The following MAGI2 variants were observed in gnomAD, a reference collection of about 807,000 sequenced individuals.
The protein encoded by MAGI2 is membrane associated guanylate kinase, WW and PDZ domain containing 2, also known as membrane-associated guanylate kinase, WW and PDZ domain-containing protein 2.
A neutral mutation model predicts 133.3 loss-of-function variants in MAGI2; 35 were observed. The observed-to-expected ratio is 0.26, with a 90% CI of 0.20 to 0.35. The LOEUF (loss-of-function observed/expected upper bound fraction) is 0.35, where lower values mean the gene tolerates loss of function less well. Ranked by LOEUF, MAGI2 falls within the 10% of genes least tolerant of loss-of-function variation. The probability of loss-of-function intolerance (pLI) is 1.00; values close to 1 mark genes in which losing one functional copy is unlikely to be tolerated. For synonymous variants in MAGI2, 729 were observed against 710.6 expected, an observed-to-expected ratio of 1.03 and a Z score of -0.41; for missense variants, 1,636 against 1,863.4, an observed-to-expected ratio of 0.88 and a Z score of 2.25.
At chr7:79,157,631 A>G (rs573106332) in intron 1 of MAGI2, among the ~76,000 whole-genome samples, 18 of 151,942 alleles carry the variant, frequency 1.2e-4, no homozygotes, top group Non-Finnish European at 1.2e-4. Context: ...CCCCCTTTCA[A>G]GCATTCTGTA....
At chr7:78,394,709 A>AT (rs1423920718) in intron 6 of MAGI2, among the ~76,000 whole-genome samples, 4 of 151,914 alleles carry the variant, frequency 2.6e-5, no homozygotes, top group East Asian at 1.9e-4. Context: ...TAATTTTCTC[A>AT]TTTTTTTTCA....
intron 2 of MAGI2, among the ~76,000 whole-genome samples, chr7:78,667,567 A>T (rs1278833337): frequency 2.9e-5 from 4 of 137,630 alleles, no homozygotes; most frequent in African/African-American, 8.2e-5. Flanking sequence ...CAGTCCCCAG[A>T]GTGTGATGTT....
intron 3 of MAGI2, among the ~76,000 whole-genome samples, chr7:78,547,699 C>T (rs762375280): frequency 8.5e-5 from 13 of 152,216 alleles, no homozygotes; most frequent in African/African-American, 1.4e-4. Flanking sequence ...AACATGCCAA[C>T]TCACATAATG....
At chr7:79,223,292 C>T (rs1830602640) in intron 1 of MAGI2, among the ~76,000 whole-genome samples, 1 of 152,096 alleles carries the variant, frequency 6.6e-6, no homozygotes. Flanking sequence ...AAGTCCATTA[C>T]CAATCTTTAG....
intron 2 of MAGI2, among the ~76,000 whole-genome samples, chr7:78,736,667 T>C (rs1821878950): frequency 6.6e-6 from 1 of 152,130 alleles, no homozygotes; most frequent in African/African-American, 2.4e-5. Context: ...TGTTGATATT[T>C]GCATGCTGGT....
At chr7:78,680,319 G>A (rs567029548) in intron 2 of MAGI2, among the ~76,000 whole-genome samples, 1 of 152,116 alleles carries the variant, frequency 6.6e-6, no homozygotes, top group Non-Finnish European at 1.5e-5. Context: ...TTGAAATGGA[G>A]TATAATGAGT....
chr7:79,248,584 A>C (rs1308125243), intron 1 of MAGI2, among the ~76,000 whole-genome samples: 1 of 152,164 alleles, frequency 6.6e-6, no homozygotes. Context: ...TCCTTAGTAC[A>C]TGGATCATTC....
chr7:78,409,605 C>T (rs1339136838), intron 6 of MAGI2, among the ~76,000 whole-genome samples: 1 of 152,056 alleles, frequency 6.6e-6, no homozygotes, highest in Non-Finnish European at 1.5e-5. Flanking sequence ...TTGCTCCCAT[C>T]CTTTGGTACA....
At chr7:79,296,117 T>C (rs1333761743) in intron 1 of MAGI2, among the ~76,000 whole-genome samples, 2 of 152,184 alleles carry the variant, frequency 1.3e-5, no homozygotes, top group Non-Finnish European at 2.9e-5. Flanking sequence ...CACAAGAGCA[T>C]TGATATTGTG....
At chr7:78,583,203 C>T (rs992205885) in intron 3 of MAGI2, among the ~76,000 whole-genome samples, 7 of 152,236 alleles carry the variant, frequency 4.6e-5, no homozygotes, top group African/African-American at 1.4e-4. Flanking sequence ...ACATAAGCCT[C>T]TCTCACCCCT....
intron 1 of MAGI2, among the ~76,000 whole-genome samples, chr7:79,264,977 T>G (rs753875151): frequency 7.9e-5 from 12 of 152,098 alleles, no homozygotes; most frequent in Non-Finnish European, 1.3e-4. Context: ...CATTAGTCCA[T>G]GAGGAATTTA....
In MAGI2 at chr7:78,201,214, T is replaced by C. The variant is rs759862444; in HGVS notation, c.2048-21A>G. ...GAAACCTGTAATAAAGAAAACAATA[T>C]TTGAACTTTGAAAATATTACCGACT... On this transcript the variant is annotated intron_variant, in intron 10 of 21. Coordinates refer to ENST00000354212, the MANE Select transcript of MAGI2 (RefSeq NM_012301.4). 1.9e-5 allele frequency: 26 copies of C among 1,359,714 alleles called. No individual in the cohort carries two copies. The Middle Eastern group carries it at 1.5e-3, about 81-fold the overall frequency. The allele number at this position is 1,359,714 out of a possible 1,614,324, so 84.2% of individuals were successfully genotyped here. A position where few individuals can be genotyped will look rare whatever the true frequency, so the allele number is the denominator to read the frequency against.
At chr7:79,097,119 A>T (rs1177334474) in intron 1 of MAGI2, among the ~76,000 whole-genome samples, 1 of 152,224 alleles carries the variant, frequency 6.6e-6, no homozygotes, top group East Asian at 1.9e-4. Context: ...GAAGGCTTTC[A>T]ATATGCCAGT....
At chr7:78,948,226 T>C (rs1801588220) in intron 2 of MAGI2, among the ~76,000 whole-genome samples, 1 of 152,072 alleles carries the variant, frequency 6.6e-6, no homozygotes, top group African/African-American at 2.4e-5. Context: ...TCACTTCATT[T>C]TACATTTATA....
At chr7:78,934,159 T>TG (rs1407392380) in intron 2 of MAGI2, among the ~76,000 whole-genome samples, 1 of 152,164 alleles carries the variant, frequency 6.6e-6, no homozygotes, top group African/African-American at 2.4e-5. Context: ...TAAAGTGCAA[T>TG]GGTGCAATCT....
intron 1 of MAGI2, among the ~76,000 whole-genome samples, chr7:79,192,475 T>A (rs1827759384): frequency 1.3e-5 from 2 of 151,810 alleles, no homozygotes; most frequent in South Asian, 4.1e-4. Context: ...TAAAAAAAAC[T>A]ACAAGAAGGG....
chr7:79,313,585 T>C (rs1403788119), intron 1 of MAGI2, among the ~76,000 whole-genome samples: 1 of 152,066 alleles, frequency 6.6e-6, no homozygotes, highest in Admixed American at 6.6e-5. Flanking sequence ...CAACTTAAAC[T>C]CAAACAAGAT....
At chr7:78,438,806 G>C (rs545739720) in intron 6 of MAGI2, among the ~76,000 whole-genome samples, 6 of 152,170 alleles carry the variant, frequency 3.9e-5, no homozygotes, top group African/African-American at 1.4e-4. Context: ...TCTTTTCATG[G>C]GCGCACAATA....
At chr7:78,373,070 C>T (rs1371448524) in intron 6 of MAGI2, among the ~76,000 whole-genome samples, 1 of 152,108 alleles carries the variant, frequency 6.6e-6, no homozygotes, top group Non-Finnish European at 1.5e-5. Flanking sequence ...GAATCCTCTC[C>T]CCTCAGCCTT....
Sources: gnomAD v4.1 joint callset for allele counts (sites outside exome capture counted in the v4.1 genomes callset) on GRCh38, gnomAD v4.1.1 for gene constraint, MANE v1.5 for transcripts, NCBI Gene and HGNC (gene_info 2026-07-23, HGNC 2026-07-21) for gene names.